FABP4: variants seen among roughly 807,000 people sequenced by gnomAD.
The protein encoded by FABP4 is fatty acid binding protein 4.
In FABP4, 17 loss-of-function variants were observed where a neutral mutation model predicts 14.6. That is an observed-to-expected ratio of 1.16 (90% CI 0.80 to 1.74). The LOEUF (loss-of-function observed/expected upper bound fraction) is 1.74. FABP4 is among the 40% of genes most tolerant of loss of function. The pLI is 0.00. For synonymous variants in FABP4, 54 were observed against 54.6 expected, an observed-to-expected ratio of 0.99 and a Z score of 0.05; for missense variants, 149 against 160.3, an observed-to-expected ratio of 0.93 and a Z score of 0.38.
rs765731900 is a variant in FABP4, at chr8:81,480,468, G to A, written c.204C>T (p.Gly68=). ...CTGCAGTGACTTCGTCAAATTCCTG[G>A]CCCAGTATGAAGGAAATCTCAGTAT... ...FKNTEISFIL[G]QEFDEVTADD... The change falls in exon 2 of 4, where the codon GGC becomes GGT. Residue 68 remains glycine (G), a synonymous_variant. Transcript: ENST00000256104. The A allele has an allele frequency of 2.5e-6, 4 of 1,613,416 alleles. No homozygotes were observed. In the Admixed American group the frequency reaches 5.0e-5, roughly 20 times the overall value.
At position 81,480,442 on chromosome 8, in the gene FABP4, T is replaced by G; in HGVS notation, c.230A>C (p.Asp77Ala). 6.2e-7 allele frequency: 1 copy of G among 1,613,670 alleles called. No homozygotes were observed. The highest frequency in any genetic ancestry group is 8.5e-7 in the Non-Finnish European group (1 of 1,179,676). ...LGQEFDEVTA[D>A]DRKVKSTITL... ...ATTTCTCACCTTGACTTTCCTGTCA[T>G]CTGCAGTGACTTCGTCAAATTCCTG... is the stretch of plus-strand genomic sequence containing the variant. Residue 77 changes from aspartate to alanine, a missense_variant, in exon 2 of 4, where the codon GAT becomes GCT. By Grantham distance (126) the Asp-to-Ala change is moderately radical. Coordinates refer to ENST00000256104, the MANE Select transcript of FABP4 (RefSeq NM_001442.3).
chr8:81,480,470 C>A lies in FABP4; in HGVS notation c.202G>T (p.Gly68Cys). 1 of 1,613,674 alleles carries A rather than the reference C, an allele frequency of 6.2e-7. No homozygotes were observed. ...GCAGTGACTTCGTCAAATTCCTGGCCCAGTATGAAGGAAATCTCAGTATTT... is the reference window on the plus strand; with the variant it reads ...GCAGTGACTTCGTCAAATTCCTGGCACAGTATGAAGGAAATCTCAGTATTT... The part of the protein sequence containing the change: ...FKNTEISFIL[G>C]QEFDEVTADD... The change falls in exon 2 of 4, where the codon GGC becomes TGC. Residue 68 changes from glycine (G) to cysteine (C), a missense_variant. Physicochemically the swap from Gly to Cys is radical, Grantham distance 159. Transcript: ENST00000256104.
intron 2 of FABP4, 79 bp from the exon 3 acceptor site, chr8:81,479,594 G>T: frequency 1.0e-6 from 1 of 964,234 alleles, no homozygotes; most frequent in Non-Finnish European, 1.6e-6. Flanking sequence ...TTTGTTCAAA[G>T]GAATATTTTG....
In FABP4 at chr8:81,480,518, T is replaced by C; in HGVS notation, c.154A>G (p.Ile52Val). 2 of 1,613,952 alleles carry C rather than the reference T, an allele frequency of 1.2e-6. No homozygotes were observed. The highest frequency in any genetic ancestry group is 1.7e-6 in the Non-Finnish European group (2 of 1,179,868). The change falls in exon 2 of 4, where the codon ATT becomes GTT. Residue 52 changes from isoleucine (I) to valine (V), a missense_variant. By Grantham distance (29) the Ile-to-Val change is conservative. Transcript: ENST00000256104. ...IISVNGDVIT[I>V]KSESTFKNTE... ...TTTTTAAAGGTACTTTCAGATTTAA[T>C]GGTGATCACATCCCCATTCACACTG...
chr8:81,479,285 G>A (rs1808026789), intron 3 of FABP4, 129 bp downstream of exon 3: 1 of 752,738 alleles, frequency 1.3e-6, no homozygotes, highest in Non-Finnish European at 2.2e-6. Context: ...CAGAGTGGAA[G>A]CATAATTCCA....
In FABP4 at chr8:81,483,079, C is replaced by T. The variant is rs1246573137; in HGVS notation, c.73+16G>A. The T allele has an allele frequency of 6.3e-7, 1 of 1,590,098 alleles. No individual in the cohort carries two copies. Among genetic ancestry groups the T allele is most frequent in the Non-Finnish European group, 8.6e-7 (1 of 1,163,386 alleles). ...AAATATTATAAATCCAGTCATTCCA[C>T]AACGCATTTCCTTACCTACTTCTTT... On this transcript the variant is annotated intron_variant, in intron 1 of 3. Coordinates refer to ENST00000256104, the MANE Select transcript of FABP4 (RefSeq NM_001442.3).
chr8:81,480,426 C>G lies in FABP4; in HGVS notation c.246G>C (p.Lys82Asn), dbSNP rs746726865. 2.0e-5 allele frequency: 32 copies of G among 1,612,956 alleles called. No homozygotes were observed. The highest frequency in any genetic ancestry group is 2.7e-5 in the Non-Finnish European group (32 of 1,179,400). Residue 82 changes from lysine (K) to asparagine (N), a missense_variant and splice_region_variant, in exon 2 of 4, where the codon AAG becomes AAC. By Grantham distance (94) the Lys-to-Asn change is moderately conservative. Transcript: ENST00000256104. ...TCTGTGCCACTTCCTTATTTCTCAC[C>G]TTGACTTTCCTGTCATCTGCAGTGA... ...DEVTADDRKV[K>N]STITLDGGVL...
chr8:81,482,330 A>C (rs906014583), intron 1 of FABP4, among the ~76,000 whole-genome samples: 1 of 152,184 alleles, frequency 6.6e-6, no homozygotes, highest in Non-Finnish European at 1.5e-5. Context: ...TCAAAGTAGA[A>C]GCTGCCTGAG....
At chr8:81,480,229 T>A (rs1808055656) in intron 2 of FABP4, among the ~76,000 whole-genome samples, 197 bp downstream of exon 2, 1 of 152,152 alleles carries the variant, frequency 6.6e-6, no homozygotes, top group Admixed American at 6.5e-5. Flanking sequence ...AATACTTTTT[T>A]AACATGAGGA....
intron 1 of FABP4, 43 bp from the exon 2 acceptor site, chr8:81,480,641 T>G: frequency 6.4e-7 from 1 of 1,556,150 alleles, no homozygotes; most frequent in South Asian, 1.2e-5. Context: ...ACATTTTCTC[T>G]CACGTACTTA....
At chr8:81,480,769 A>C (rs1181615746) in intron 1 of FABP4, among the ~76,000 whole-genome samples, 171 bp from the exon 2 acceptor site, 1 of 93,784 alleles carries the variant, frequency 1.1e-5, no homozygotes, top group Admixed American at 1.0e-4. Flanking sequence ...GCCAATACTT[A>C]AAAAAAAAAA....
At chr8:81,479,736 T>C (rs558488205) in intron 2 of FABP4, 3 of 307,462 alleles carry the variant, frequency 9.8e-6, no homozygotes. Flanking sequence ...TTGGAAAAAT[T>C]ACTGTGAAGG....
At chr8:81,481,445 T>C (rs920333371) in intron 1 of FABP4, among the ~76,000 whole-genome samples, 5 of 152,194 alleles carry the variant, frequency 3.3e-5, no homozygotes. Context: ...TATATTTTCT[T>C]GTGCAAGGTA....
chr8:81,481,429 G>T (rs770626433), intron 1 of FABP4, among the ~76,000 whole-genome samples: 2 of 152,134 alleles, frequency 1.3e-5, no homozygotes, highest in Non-Finnish European at 2.9e-5. Flanking sequence ...TTCTTAAAAA[G>T]GGGAATATAT....
At position 81,480,467 on chromosome 8, in the gene FABP4, G is replaced by GGACTTC. The variant is rs1199521877; in HGVS notation, c.204_205insGAAGTC (p.Gly68_Gln69insGluVal). 2 of 1,613,634 alleles carry GGACTTC rather than the reference G, an allele frequency of 1.2e-6. No homozygotes were observed. The highest frequency in any genetic ancestry group is 2.2e-5 in the South Asian group (2 of 91,048). On this transcript the variant is annotated inframe_insertion, in exon 2 of 4. Transcript: ENST00000256104. ...TCTGCAGTGACTTCGTCAAATTCCTGGCCCAGTATGAAGGAAATCTCAGTA... is the reference window on the plus strand; with the variant it reads ...TCTGCAGTGACTTCGTCAAATTCCTGGACTTCGCCCAGTATGAAGGAAATCTCAGTA...
intron 1 of FABP4, among the ~76,000 whole-genome samples, chr8:81,482,102 A>G (rs1245558172): frequency 6.6e-6 from 1 of 152,180 alleles, no homozygotes; most frequent in Non-Finnish European, 1.5e-5. Flanking sequence ...AGTCTCTCTC[A>G]TGCTGAAGTC....
chr8:81,480,335 G>A (rs2129795788), intron 2 of FABP4, 91 bp downstream of exon 2: 1 of 1,253,022 alleles, frequency 8.0e-7, no homozygotes, highest in Non-Finnish European at 1.1e-6. Flanking sequence ...ATGATAAAAT[G>A]GTGTTCCTCC....
chr8:81,482,442 C>G (rs1389155185), intron 1 of FABP4, among the ~76,000 whole-genome samples: 1 of 152,162 alleles, frequency 6.6e-6, no homozygotes, highest in Non-Finnish European at 1.5e-5. Flanking sequence ...AAAACCTCTA[C>G]TATCAAAGAA....
In FABP4 at chr8:81,479,532, A is replaced by C. The variant is rs1322888034; in HGVS notation, c.247-17T>G. The C allele has an allele frequency of 3.8e-6, 6 of 1,597,200 alleles. No individual in the cohort carries two copies. Among genetic ancestry groups the C allele is most frequent in the South Asian group, 2.2e-5 (2 of 90,184 alleles). On this transcript the variant is annotated splice_polypyrimidine_tract_variant and intron_variant, in intron 2 of 3. Transcript: ENST00000256104. ...TATGGTGCTCTGTAGGCATAAGAAA[A>C]TGTAATGACAATGTGCAGAGGGAGG...
Sources: gnomAD v4.1 joint callset for allele counts (sites outside exome capture counted in the v4.1 genomes callset) on GRCh38, gnomAD v4.1.1 for gene constraint, MANE v1.5 for transcripts, NCBI Gene and HGNC (gene_info 2026-07-23, HGNC 2026-07-21) for gene names.